NCOA2: variants seen among roughly 807,000 people sequenced by gnomAD.
NCOA2 encodes the protein nuclear receptor coactivator 2.
NCOA2 carries 21 observed loss-of-function variants against 145.1 expected under a neutral mutation model. That is an observed-to-expected ratio of 0.14 (90% confidence interval 0.10 to 0.21). The LOEUF (loss-of-function observed/expected upper bound fraction) is 0.21, where lower values mean the gene tolerates loss of function less well. NCOA2 is among the 10% of genes least tolerant of loss of function. The pLI is 1.00. For synonymous variants in NCOA2, 619 were observed against 637.5 expected, an observed-to-expected ratio of 0.97 and a Z score of 0.44; for missense variants, 1,472 against 1,837.6, an observed-to-expected ratio of 0.80 and a Z score of 3.64.
chr8:70,349,280 T>TA (rs889986670), intron 1 of NCOA2, among the ~76,000 whole-genome samples: 7 of 150,910 alleles, frequency 4.6e-5, no homozygotes, highest in Non-Finnish European at 7.4e-5. Context: ...GCTGTCACAA[T>TA]AAAAAAAAAT....
chr8:70,401,758 C>G (rs1814273215), intron 1 of NCOA2: 1 of 152,188 alleles, frequency 6.6e-6, no homozygotes, highest in African/African-American at 2.4e-5. Context: ...CTGAGTGAAA[C>G]CGAGATAAGA....
the NCOA2 span, among the ~76,000 whole-genome samples, chr8:70,422,411 T>G: frequency 1.9e-3 from 286 of 152,136 alleles, 2 homozygotes; most frequent in African/African-American, 4.3e-3. Context: ...GTTTTTTTTT[T>G]TTGTTGTCAT....
Position 70,346,401 on chromosome 8 carries a change from G to A in NCOA2, c.-76-49601C>T, listed in dbSNP as rs182370895. Among the ~76,000 whole-genome samples, 55 of 152,250 alleles carry A rather than the reference G, an allele frequency of 3.6e-4. 1 individual carries two copies. The highest frequency in any genetic ancestry group is 3.5e-3 in the Admixed American group (54 of 15,294). ...CCCTATTGACAGAGATAAGCAAAGG[G>A]ATTCAGATTAAGGCCTGTAGCTGCA... On this transcript the variant is annotated intron_variant, in intron 1 of 22. Transcript: ENST00000452400.
chr8:70,393,733 C>CTGGT (rs1442224001), intron 1 of NCOA2, among the ~76,000 whole-genome samples: 5 of 152,226 alleles, frequency 3.3e-5, no homozygotes, highest in Non-Finnish European at 7.3e-5. Flanking sequence ...CCCTTGTCTC[C>CTGGT]TGGTTCTCTT....
intron 2 of NCOA2, among the ~76,000 whole-genome samples, chr8:70,293,014 G>A (rs1378762470): frequency 6.6e-6 from 1 of 152,192 alleles, no homozygotes; most frequent in Non-Finnish European, 1.5e-5. Context: ...ACTCTGAACA[G>A]TTAAATGACT....
chr8:70,154,076 C>A (rs928652114), intron 11 of NCOA2, among the ~76,000 whole-genome samples: 2 of 152,200 alleles, frequency 1.3e-5, no homozygotes, highest in Admixed American at 1.3e-4. Context: ...GCTCTCAACC[C>A]CAGACCTGCC....
In NCOA2 at chr8:70,138,276, G is replaced by A. The variant is rs1409482439; in HGVS notation, c.3085C>T (p.Pro1029Ser). 6.2e-7 allele frequency: 1 copy of A among 1,613,654 alleles called. No individual in the cohort carries two copies. Among genetic ancestry groups the A allele is most frequent in the Non-Finnish European group, 8.5e-7 (1 of 1,179,724 alleles). ...GGCCATGGGGCAGTCTGATTTGGAG[G>A]AGCTTGTTGTTGGCTATACTGAGGT... ...GGPQYSQQQA[P>S]PNQTAPWPES... The change falls in exon 15 of 23, where the codon CCT becomes TCT. Residue 1029 changes from proline to serine, a missense_variant. Physicochemically the swap from Pro to Ser is moderately conservative, Grantham distance 74 (BLOSUM62 -1). This residue lies in a region of NCOA2 where 953 missense variants were observed against 1,062.1 expected (regional missense o/e 0.90). Coordinates refer to ENST00000452400, the MANE Select transcript of NCOA2 (RefSeq NM_006540.4).
In NCOA2 at chr8:70,335,155, A is replaced by AAAAAAAAAAAAAAAAT. The variant is rs774576238; in HGVS notation, c.-76-38356_-76-38355insATTTTTTTTTTTTTTT. ...AAAAAAAAAAAAAAAAAAAAAAAAGATCTCTCCCTATGACCATTTTCTCAG... is the reference window on the plus strand; with the variant it reads ...AAAAAAAAAAAAAAAAAAAAAAAAGAAAAAAAAAAAAAAAATTCTCTCCCTATGACCATTTTCTCAG... On this transcript the variant is annotated intron_variant, in intron 1 of 22. Coordinates refer to ENST00000452400, the MANE Select transcript of NCOA2 (RefSeq NM_006540.4). Among the ~76,000 whole-genome samples, 14 of 115,386 alleles carry AAAAAAAAAAAAAAAAT rather than the reference A, an allele frequency of 1.2e-4. 3 individuals carry two copies. The East Asian group carries it at 2.7e-3, about 22-fold the overall frequency. 75.7% of individuals were successfully genotyped at this position (115,386 alleles called of 152,430 possible).
At chr8:70,291,568 C>T (rs941271412) in intron 2 of NCOA2, among the ~76,000 whole-genome samples, 2 of 152,164 alleles carry the variant, frequency 1.3e-5, no homozygotes, top group Non-Finnish European at 2.9e-5. Flanking sequence ...CATCATTCTA[C>T]TTGTCTGTCC....
intron 1 of NCOA2, among the ~76,000 whole-genome samples, chr8:70,384,324 G>A (rs1194776550): frequency 6.6e-6 from 1 of 151,014 alleles, no homozygotes; most frequent in East Asian, 1.9e-4. Flanking sequence ...TTCTTCGCAA[G>A]AGCTTCATTT....
Position 70,401,161 on chromosome 8 carries a change from ACTG to A in NCOA2, c.-77+2536_-77+2538del, listed in dbSNP as rs1814205835. Among the ~76,000 whole-genome samples, 6 of 152,250 alleles carry A rather than the reference ACTG, an allele frequency of 3.9e-5. No individual in the cohort carries two copies. The South Asian group carries it at 1.2e-3, about 32-fold the overall frequency. On this transcript the variant is annotated intron_variant, in intron 1 of 22. Transcript: ENST00000452400. Reference sequence around the variant, plus strand: ...GTAGCAGCTGCTTTCTTTTTAAAAGACTGCTATTCCTGCAGAGCAACCTGTGAT... The same window carrying A: ...GTAGCAGCTGCTTTCTTTTTAAAAGACTATTCCTGCAGAGCAACCTGTGAT...
chr8:70,392,292 G>C (rs1813278487), intron 1 of NCOA2, among the ~76,000 whole-genome samples: 1 of 152,308 alleles, frequency 6.6e-6, no homozygotes, highest in East Asian at 1.9e-4. Context: ...ACTGCACAAA[G>C]CGCCGCCCAC....
At chr8:70,415,941 C>T in the NCOA2 span, among the ~76,000 whole-genome samples, 3 of 152,152 alleles carry the variant, frequency 2.0e-5, no homozygotes, top group Non-Finnish European at 2.9e-5. Context: ...GATATTACTA[C>T]GATTGCAATC....
At position 70,128,469 on chromosome 8, in the gene NCOA2, A is replaced by C. The variant is rs1366055782; in HGVS notation, c.3645T>G (p.Asn1215Lys). 1 of 1,613,046 alleles carries C rather than the reference A, an allele frequency of 6.2e-7. No homozygotes were observed. The highest frequency in any genetic ancestry group is 1.1e-5 in the South Asian group (1 of 90,790). The change falls in exon 18 of 23, where the codon AAT becomes AAG. Residue 1215 changes from asparagine to lysine, a missense_variant. Asn to Lys is a moderately conservative substitution (Grantham distance 94, BLOSUM62 0). Around this residue, in one of 4 missense-constraint regions of NCOA2, gnomAD observed 953 missense variants for 1,062.1 expected, o/e 0.90. Transcript: ENST00000452400. Reference sequence around the variant, plus strand: ...CTCCAGGCCTCAGAGTCAAGTTCACATTGGAAACATTGCTGATTTGATTCA... The same window carrying C: ...CTCCAGGCCTCAGAGTCAAGTTCACCTTGGAAACATTGCTGATTTGATTCA... ...PLMNQISNVSNVNLTLRPGVP... is the reference protein window; with the variant it reads ...PLMNQISNVSKVNLTLRPGVP...
intron 4 of NCOA2, among the ~76,000 whole-genome samples, chr8:70,202,217 A>G (rs1240282209): frequency 6.6e-6 from 1 of 152,180 alleles, no homozygotes; most frequent in Non-Finnish European, 1.5e-5. Flanking sequence ...GGAAAATGGA[A>G]AGTCTTGCAC....
intron 1 of NCOA2, among the ~76,000 whole-genome samples, chr8:70,313,435 T>C (rs575614009): frequency 2.0e-5 from 3 of 152,256 alleles, no homozygotes; most frequent in Admixed American, 2.0e-4. Flanking sequence ...TTTTTAGTAA[T>C]GGTATTTTAG....
chr8:70,163,696 A>G (rs1237446493), intron 7 of NCOA2, 130 bp from the exon 8 acceptor site: 5 of 649,418 alleles, frequency 7.7e-6, no homozygotes, highest in Non-Finnish European at 1.3e-5. Flanking sequence ...AACACTATGT[A>G]CCTGAGCTTC....
At chr8:70,270,715 A>T (rs956449755) in intron 2 of NCOA2, among the ~76,000 whole-genome samples, 1 of 152,224 alleles carries the variant, frequency 6.6e-6, no homozygotes, top group Admixed American at 6.5e-5. Context: ...CCCTTTAACA[A>T]TAACAACAAC....
chr8:70,255,868 G>C (rs1322026956), intron 2 of NCOA2, among the ~76,000 whole-genome samples: 1 of 115,678 alleles, frequency 8.6e-6, no homozygotes, highest in Non-Finnish European at 1.9e-5. Flanking sequence ...TAGAACCTCT[G>C]CTAATGGAAA....
Sources: allele counts gnomAD v4.1 joint callset (sites outside exome capture counted in the v4.1 genomes callset), GRCh38; gene constraint gnomAD v4.1.1; regional missense constraint gnomAD v4.1.1; transcripts MANE v1.5; gene names NCBI Gene and HGNC (gene_info 2026-07-23, HGNC 2026-07-21).